FAM193A: variants seen among roughly 807,000 people sequenced by gnomAD.
FAM193A encodes family with sequence similarity 193 member A.
In FAM193A, 22 loss-of-function variants were observed where a neutral mutation model predicts 126.5. The observed-to-expected ratio is 0.17, with a 90% confidence interval of 0.12 to 0.25. The LOEUF is 0.25. Among genes scored for constraint, FAM193A ranks in the 10% least tolerant of loss-of-function variants. The pLI, the probability that FAM193A is intolerant of heterozygous loss-of-function variation, is 1.00. For synonymous variants in FAM193A, 761 were observed against 646.8 expected, an observed-to-expected ratio of 1.18 and a Z score of -2.68; for missense variants, 1,675 against 1,672.8, an observed-to-expected ratio of 1.00 and a Z score of -0.02.
chr4:2,601,409 A>G (rs1339602180), intron 2 of FAM193A, among the ~76,000 whole-genome samples: 1 of 150,824 alleles, frequency 6.6e-6, no homozygotes, highest in Non-Finnish European at 1.5e-5. Context: ...ATTTTTTTGT[A>G]TTTTTAGTAG....
intron 1 of FAM193A, among the ~76,000 whole-genome samples, chr4:2,561,553 G>T (rs1254286288): frequency 1.3e-5 from 2 of 148,724 alleles, no homozygotes; most frequent in Admixed American, 1.4e-4. Context: ...CTGGAGTGCA[G>T]TGGCGCAATC....
intron 4 of FAM193A, among the ~76,000 whole-genome samples, chr4:2,627,327 A>G (rs1743072923): frequency 6.6e-6 from 1 of 151,244 alleles, no homozygotes. Flanking sequence ...TGCCCGGCTA[A>G]TTTTTGTATT....
At chr4:2,555,642 G>C (rs1430990055) in intron 1 of FAM193A, among the ~76,000 whole-genome samples, 1 of 152,044 alleles carries the variant, frequency 6.6e-6, no homozygotes, top group Non-Finnish European at 1.5e-5. Context: ...TTTTGAGACA[G>C]AGTCTCGCTC....
At chr4:2,684,072 T>C (rs1014170100) in intron 13 of FAM193A, among the ~76,000 whole-genome samples, 1 of 152,244 alleles carries the variant, frequency 6.6e-6, no homozygotes, top group East Asian at 1.9e-4. Flanking sequence ...ACTTTTTCCA[T>C]TAGAGCCTTT....
intron 16 of FAM193A, 148 bp downstream of exon 16, chr4:2,694,022 G>T: frequency 1.2e-6 from 1 of 864,084 alleles, no homozygotes; most frequent in Non-Finnish European, 1.7e-6. Flanking sequence ...CCCAGCAGAG[G>T]CCATGGGTAG....
intron 2 of FAM193A, among the ~76,000 whole-genome samples, chr4:2,614,793 G>C (rs1298835098): frequency 6.6e-6 from 1 of 152,114 alleles, no homozygotes; most frequent in Admixed American, 6.6e-5. Context: ...TTTGATGGAG[G>C]TTATCTGTTT....
rs116046664 is a variant in FAM193A, at chr4:2,596,719, T to C, written c.501+390T>C. Among the ~76,000 whole-genome samples the C allele has an allele frequency of 8.6e-3, 1,312 of 152,146 alleles. 15 individuals are homozygous for C. The highest frequency in any genetic ancestry group is 0.03 in the African/African-American group (1,259 of 41,476). On this transcript the variant is annotated intron_variant, in intron 2 of 20. Coordinates refer to ENST00000637812, the MANE Select transcript of FAM193A (RefSeq NM_001366318.2). ...TCTTAAGCCTCACCTTCCCTTTTAC[T>C]TATTTGTGCTGCTTCAGCCTCTTCG...
In FAM193A at chr4:2,631,005, A is replaced by G. The variant is rs558706176; in HGVS notation, c.874A>G (p.Met292Val). The G allele has an allele frequency of 6.2e-7, 1 of 1,613,536 alleles. No individual in the cohort carries two copies. The highest frequency in any genetic ancestry group is 8.5e-7 in the Non-Finnish European group (1 of 1,179,998). Residue 292 changes from methionine to valine, a missense_variant, in exon 5 of 21, where the codon ATG (methionine) becomes GTG (valine). This residue lies in a region of FAM193A where 1,186 missense variants were observed against 1,109.2 expected (regional missense o/e 1.07). Coordinates refer to ENST00000637812, the MANE Select transcript of FAM193A (RefSeq NM_001366318.2). ...GCAAGCTCGAGAGTATGTGCTGGAG[A>G]TGAAGGTCCGCCTGCTCCGGCAGCT... Reference protein sequence around the residue: ...EQQAREYVLEMKVRLLRQLSA... With the variant: ...EQQAREYVLEVKVRLLRQLSA...
chr4:2,631,835 G>T (rs1009279421), intron 5 of FAM193A, among the ~76,000 whole-genome samples: 1 of 152,138 alleles, frequency 6.6e-6, no homozygotes, highest in Admixed American at 6.6e-5. Flanking sequence ...AGTAGGCTGC[G>T]GTCAATCCTC....
At chr4:2,687,113 G>A (rs1715826079) in intron 13 of FAM193A, among the ~76,000 whole-genome samples, 1 of 151,984 alleles carries the variant, frequency 6.6e-6, no homozygotes. Context: ...GCCTGTTCCA[G>A]GTCAGTGGAC....
chr4:2,607,951 C>CT (rs1560477827), intron 2 of FAM193A: 10 of 1,465,182 alleles, frequency 6.8e-6, no homozygotes, highest in South Asian at 6.3e-5. Flanking sequence ...AGATTCTTTT[C>CT]TTTTTTTAAC....
chr4:2,564,521 A>G (rs1286577945), intron 1 of FAM193A, among the ~76,000 whole-genome samples: 2 of 152,170 alleles, frequency 1.3e-5, no homozygotes, highest in Non-Finnish European at 2.9e-5. Flanking sequence ...AGTATCTAAT[A>G]TTGGAGACAA....
intron 1 of FAM193A, among the ~76,000 whole-genome samples, chr4:2,591,718 A>G (rs775330957): frequency 1.3e-5 from 2 of 152,338 alleles, no homozygotes; most frequent in South Asian, 2.1e-4. Flanking sequence ...CATTTTGGAA[A>G]CAAATTTCAA....
chr4:2,679,044 G>C (rs1477454684), intron 13 of FAM193A, among the ~76,000 whole-genome samples: 6 of 152,182 alleles, frequency 3.9e-5, no homozygotes, highest in African/African-American at 1.4e-4. Context: ...ATTGTTTGCT[G>C]TGGGTTTTTC....
chr4:2,685,075 TTGG>T (rs1715581793), intron 13 of FAM193A, among the ~76,000 whole-genome samples: 1 of 152,110 alleles, frequency 6.6e-6, no homozygotes, highest in African/African-American at 2.4e-5. Context: ...TGTGAAACAG[TTGG>T]TGTACTAAGA....
At chr4:2,582,764 G>A (rs1451169902) in intron 1 of FAM193A, among the ~76,000 whole-genome samples, 1 of 152,024 alleles carries the variant, frequency 6.6e-6, no homozygotes, top group African/African-American at 2.4e-5. Flanking sequence ...AGGCGGCTTG[G>A]ATCTAGGATG....
Position 2,690,688 on chromosome 4 carries a change from T to C in FAM193A, c.2531-10T>C, listed in dbSNP as rs1158899423. On this transcript the variant is annotated splice_polypyrimidine_tract_variant and intron_variant, in intron 14 of 20. Transcript: ENST00000637812. ...GTCAGAAGCCTTAATTTTCCTGTTC[T>C]TCTTTGAAGGGAGTGAAATATTAGG... 4 of 1,600,404 alleles carry C rather than the reference T, an allele frequency of 2.5e-6. No individual in the cohort carries two copies. In the South Asian group the frequency reaches 4.5e-5, roughly 18 times the overall value.
intron 2 of FAM193A, among the ~76,000 whole-genome samples, chr4:2,596,869 G>A (rs1333488945): frequency 2.0e-5 from 3 of 152,150 alleles, no homozygotes; most frequent in Admixed American, 6.5e-5. Context: ...GAAGGAGTTG[G>A]CTTTTGCAAC....
At chr4:2,607,179 C>T (rs1270777691) in intron 2 of FAM193A, among the ~76,000 whole-genome samples, 4 of 152,184 alleles carry the variant, frequency 2.6e-5, no homozygotes, top group Admixed American at 2.6e-4. Context: ...AAGACTTGTG[C>T]TCAGGGGTTG....
Sources: allele counts gnomAD v4.1 joint callset (sites outside exome capture counted in the v4.1 genomes callset), GRCh38; gene constraint gnomAD v4.1.1; regional missense constraint gnomAD v4.1.1; transcripts MANE v1.5; gene names NCBI Gene and HGNC (gene_info 2026-07-23, HGNC 2026-07-21).